Variants in DAAM2 observed in about 807,000 individuals in gnomAD.
DAAM2 encodes disheveled-associated activator of morphogenesis 2.
A neutral mutation model predicts 120.7 loss-of-function variants in DAAM2; 39 were observed. The ratio of observed to expected loss-of-function variants is 0.32; its 90% CI spans 0.25 to 0.42. The LOEUF (loss-of-function observed/expected upper bound fraction) is 0.42, where lower values mean the gene tolerates loss of function less well. Ranked by LOEUF, DAAM2 falls within the 10% of genes least tolerant of loss-of-function variation. The pLI is 1.00. For synonymous variants in DAAM2, 488 were observed against 524.9 expected, an observed-to-expected ratio of 0.93 and a Z score of 0.96; for missense variants, 1,283 against 1,401.7, an observed-to-expected ratio of 0.92 and a Z score of 1.35.
At chr6:39,868,377 C>A (rs962504090) in intron 6 of DAAM2, 3 of 219,074 alleles carry the variant, frequency 1.4e-5, no homozygotes, top group Middle Eastern at 1.8e-3. Flanking sequence ...GTGCCTGGCA[C>A]AGAGTAAGTC....
At chr6:39,888,374 T>C (rs1765499719) in intron 16 of DAAM2, 2 of 203,504 alleles carry the variant, frequency 9.8e-6, no homozygotes, top group South Asian at 1.7e-4. Context: ...AGGAACCCTT[T>C]GCCCTGTCCC....
Position 39,815,481 on chromosome 6 carries a change from A to G in DAAM2, c.-57+23016A>G, listed in dbSNP as rs149239779. Among the ~76,000 whole-genome samples, 88 of 152,278 alleles carry G rather than the reference A, an allele frequency of 5.8e-4. 2 individuals are homozygous for G. The East Asian group carries it at 0.015, about 26-fold the overall frequency. ...ATATGAAATAACCATGGTATTCCCC[A>G]TAGGGCAGCTGTGAGCCTTCAATGA... On this transcript the variant is annotated intron_variant, in intron 1 of 24. Transcript: ENST00000274867.
chr6:39,818,815 G>A (rs1762392088), intron 1 of DAAM2: 2 of 152,176 alleles, frequency 1.3e-5, no homozygotes, highest in Non-Finnish European at 1.5e-5. Context: ...GGGCTCAGGA[G>A]CCAGCTGTCG....
intron 14 of DAAM2, among the ~76,000 whole-genome samples, chr6:39,880,622 C>T (rs1582726933): frequency 6.6e-6 from 1 of 151,906 alleles, no homozygotes; most frequent in Admixed American, 6.5e-5. Flanking sequence ...TTTAGCGGTA[C>T]AACCTCTGTA....
chr6:39,851,424 T>A (rs1554173396), intron 1 of DAAM2, among the ~76,000 whole-genome samples: 1 of 152,222 alleles, frequency 6.6e-6, no homozygotes, highest in Non-Finnish European at 1.5e-5. Context: ...TGAAGCCAGT[T>A]ATCTCAGAGA....
intron 2 of DAAM2, among the ~76,000 whole-genome samples, chr6:39,858,703 T>C (rs1346741977): frequency 6.6e-6 from 1 of 152,128 alleles, no homozygotes; most frequent in African/African-American, 2.4e-5. Flanking sequence ...TCTACATAAG[T>C]ACATCATAGT....
chr6:39,854,157 T>G (rs914663918), intron 1 of DAAM2, among the ~76,000 whole-genome samples: 1 of 152,224 alleles, frequency 6.6e-6, no homozygotes, highest in African/African-American at 2.4e-5. Flanking sequence ...TCTAGGATGG[T>G]TCTCTTTTTC....
intron 1 of DAAM2, among the ~76,000 whole-genome samples, chr6:39,823,471 G>C (rs1346595221): frequency 6.6e-6 from 1 of 152,196 alleles, no homozygotes; most frequent in Non-Finnish European, 1.5e-5. Context: ...GTTCAGATTG[G>C]TGTGCTCTGC....
rs1222891083 is a variant in DAAM2 at position 39,904,312 on chromosome 6, C to T, written c.*2275C>T. 2.2e-6 allele frequency: 1 copy of T among 456,746 alleles called. No individual in the cohort carries two copies. 28.3% of individuals were successfully genotyped at this position (456,746 alleles called of 1,614,324 possible). ...TATTTTCTACATCTGGCCAGTGGCT[C>T]TGGTGCTAGATGCCACTGTAGCCAG... On this transcript the variant is annotated 3_prime_UTR_variant, in exon 25 of 25. Coordinates refer to ENST00000274867, the MANE Select transcript of DAAM2 (RefSeq NM_001201427.2).
chr6:39,900,117 A>C lies in DAAM2; in HGVS notation c.2720A>C (p.Asp907Ala), dbSNP rs1766387145. The C allele has an allele frequency of 1.2e-6, 2 of 1,600,926 alleles. No individual in the cohort carries two copies. Among genetic ancestry groups the C allele is most frequent in the Non-Finnish European group, 8.5e-7 (1 of 1,174,012 alleles). ...YQRRQVREPS[D>A]KFVPVMSDFI... ...AGGCGCCAGGTACGGGAGCCCAGTG[A>C]CAAGTTTGTCCCTGTCATGAGCGAC... is the stretch of plus-strand genomic sequence containing the variant. Residue 907 changes from aspartate (D) to alanine (A), a missense_variant, in exon 23 of 25, where the codon GAC becomes GCC. Transcript: ENST00000274867.
At chr6:39,828,002 TC>T (rs1762738061) in intron 1 of DAAM2, among the ~76,000 whole-genome samples, 1 of 152,046 alleles carries the variant, frequency 6.6e-6, no homozygotes, top group African/African-American at 2.4e-5. Context: ...CGCCTCCTCC[TC>T]CCCACCAATT....
chr6:39,880,863 G>A (rs1269424066), intron 14 of DAAM2, among the ~76,000 whole-genome samples: 1 of 152,230 alleles, frequency 6.6e-6, no homozygotes, highest in African/African-American at 2.4e-5. Context: ...GCACTGCACA[G>A]TTGTGCCCTG....
In DAAM2 at chr6:39,901,804, C is replaced by G. The variant is rs117243886; in HGVS notation, c.2983-9C>G. ...GAGAGGGTTCCTATCTTTGGCCCCCCGCCCGCAGCTGAAGGAGCAGAGGGA... is the reference window on the plus strand; with the variant it reads ...GAGAGGGTTCCTATCTTTGGCCCCCGGCCCGCAGCTGAAGGAGCAGAGGGA... On this transcript the variant is annotated splice_polypyrimidine_tract_variant and intron_variant, in intron 24 of 24. Coordinates refer to ENST00000274867, the MANE Select transcript of DAAM2 (RefSeq NM_001201427.2). The surrounding 1 kb of genome is among the most constrained non-coding windows in gnomAD (Gnocchi z 4.5). 2.6e-6 allele frequency: 4 copies of G among 1,518,342 alleles called. No homozygotes were observed. Among genetic ancestry groups the G allele is most frequent in the Non-Finnish European group, 3.5e-6 (4 of 1,134,266 alleles). The allele number at this position is 1,518,342 out of a possible 1,614,324, so 94.1% of individuals were successfully genotyped here. A position where few individuals can be genotyped will look rare whatever the true frequency, so the allele number is the denominator to read the frequency against.
In DAAM2 at chr6:39,897,256, A is replaced by G; in HGVS notation, c.2592A>G (p.Gln864=). The change falls in exon 21 of 25, where the codon CAA becomes CAG. Residue 864 remains glutamine, a synonymous_variant. Transcript: ENST00000274867. ...PDILNMPSEL[Q]HLPEAAKVNL... Reference sequence around the variant, plus strand: ...TTCTAAACATGCCTTCAGAGCTGCAACATCTTCCAGAAGCTGCCAAAGTCA... The same window carrying G: ...TTCTAAACATGCCTTCAGAGCTGCAGCATCTTCCAGAAGCTGCCAAAGTCA... 1 of 1,612,748 alleles carries G rather than the reference A, an allele frequency of 6.2e-7. No homozygotes were observed. The highest frequency in any genetic ancestry group is 8.5e-7 in the Non-Finnish European group (1 of 1,178,788).
rs1024557468 is a variant in DAAM2, at chr6:39,904,073, G to C, written c.*2036G>C. 6 of 401,920 alleles carry C rather than the reference G, an allele frequency of 1.5e-5. No homozygotes were observed. Among genetic ancestry groups the C allele is most frequent in the African/African-American group, 8.3e-5 (4 of 48,114 alleles). 24.9% of individuals were successfully genotyped at this position (401,920 alleles called of 1,614,324 possible). A position where few individuals can be genotyped will look rare whatever the true frequency, so the allele number is the denominator to read the frequency against. On this transcript the variant is annotated 3_prime_UTR_variant, in exon 25 of 25. Coordinates refer to ENST00000274867, the MANE Select transcript of DAAM2 (RefSeq NM_001201427.2). The stretch of plus-strand genomic sequence containing the variant: ...TGATGTCAACCTAACCCCCTCAGGG[G>C]CAGGGAACAGGGGAGGGCTCCACAA...
chr6:39,869,982 G>A (rs1196844106), intron 7 of DAAM2, among the ~76,000 whole-genome samples: 2 of 151,908 alleles, frequency 1.3e-5, no homozygotes, highest in Non-Finnish European at 2.9e-5. Flanking sequence ...TTTCACAAAT[G>A]GGGAAACTAA....
chr6:39,847,299 G>C (rs1763633863), intron 1 of DAAM2, among the ~76,000 whole-genome samples: 1 of 152,208 alleles, frequency 6.6e-6, no homozygotes, highest in African/African-American at 2.4e-5. Flanking sequence ...CGGTGCTGAG[G>C]CCTCAGCGAT....
chr6:39,803,448 G>C (rs777511447), intron 1 of DAAM2, among the ~76,000 whole-genome samples: 1 of 152,174 alleles, frequency 6.6e-6, no homozygotes, highest in Non-Finnish European at 1.5e-5. Flanking sequence ...CCTCTAAGAA[G>C]CAGGCAGTGT....
At chr6:39,823,662 A>G (rs1297235450) in intron 1 of DAAM2, among the ~76,000 whole-genome samples, 1 of 152,154 alleles carries the variant, frequency 6.6e-6, no homozygotes, top group African/African-American at 2.4e-5. Flanking sequence ...CCCAGCTGTT[A>G]GGTGAGAAGG....
Sources: gnomAD v4.1 joint callset for allele counts (sites outside exome capture counted in the v4.1 genomes callset) on GRCh38, gnomAD v4.1.1 for gene constraint, Gnocchi (gnomAD v3.1) non-coding constraint, MANE v1.5 for transcripts, NCBI Gene and HGNC (gene_info 2026-07-23, HGNC 2026-07-21) for gene names.